The following FAM171A1 variants were observed in gnomAD, a reference collection of about 807,000 sequenced individuals.
FAM171A1 encodes the protein family with sequence similarity 171 member A1.
Under a neutral mutation model 74.9 loss-of-function variants are expected in FAM171A1, and 23 were observed. That is an observed-to-expected ratio of 0.31 (90% CI 0.22 to 0.44). FAM171A1 has a LOEUF of 0.44. FAM171A1 is among the 20% of genes least tolerant of loss of function. FAM171A1 has a pLI of 1.00. For synonymous variants in FAM171A1, 527 were observed against 505.7 expected (o/e 1.04, Z -0.57); for missense variants, 1,162 against 1,159.2 (o/e 1.00, Z -0.03).
At chr10:15,229,244 C>G (rs1485942721) in intron 5 of FAM171A1, among the ~76,000 whole-genome samples, 1 of 152,162 alleles carries the variant, frequency 6.6e-6, no homozygotes, top group Non-Finnish European at 1.5e-5. Context: ...GATTGGGGAA[C>G]CTGCTGTTGT....
intron 3 of FAM171A1, among the ~76,000 whole-genome samples, chr10:15,260,618 G>C (rs565423100): frequency 1.3e-5 from 2 of 152,146 alleles, no homozygotes; most frequent in East Asian, 3.8e-4. Flanking sequence ...ACTATGTTCT[G>C]TATACAGTTG....
At chr10:15,276,167 T>G (rs1332298725) in intron 2 of FAM171A1, among the ~76,000 whole-genome samples, 1 of 152,142 alleles carries the variant, frequency 6.6e-6, no homozygotes, top group Non-Finnish European at 1.5e-5. Context: ...CTTTTTTCAT[T>G]TGTTAGAAGT....
rs573536187 is a variant in FAM171A1 at position 15,337,947 on chromosome 10, T to C, written c.97+33009A>G. Among the ~76,000 whole-genome samples, 5 of 151,806 alleles carry C rather than the reference T, an allele frequency of 3.3e-5. No individual in the cohort carries two copies. In the East Asian group the frequency reaches 9.7e-4, roughly 29 times the overall value. On this transcript the variant is annotated intron_variant, in intron 1 of 7. Transcript: ENST00000378116. ...GCCTGGGTGACAGAGCGAGACTCCA[T>C]CTTAAAAAAAACAAAAAAAACCCTT...
intron 5 of FAM171A1, among the ~76,000 whole-genome samples, chr10:15,244,469 T>G (rs1834405072): frequency 6.6e-6 from 1 of 152,194 alleles, no homozygotes; most frequent in African/African-American, 2.4e-5. Flanking sequence ...TAGTGAGCTA[T>G]GATCACACCA....
At chr10:15,259,601 AG>A (rs1287317565) in intron 3 of FAM171A1, among the ~76,000 whole-genome samples, 5 of 152,188 alleles carry the variant, frequency 3.3e-5, no homozygotes, top group African/African-American at 1.2e-4. Context: ...CCTGTGAAGA[AG>A]GAACCCTTTC....
At chr10:15,270,356 G>C (rs1301407810) in intron 3 of FAM171A1, among the ~76,000 whole-genome samples, 2 of 152,216 alleles carry the variant, frequency 1.3e-5, no homozygotes, top group African/African-American at 4.8e-5. Flanking sequence ...GCTGAGGCTT[G>C]AGTAGCCAAA....
chr10:15,367,192 C>T (rs1836074097), intron 1 of FAM171A1, among the ~76,000 whole-genome samples: 1 of 141,906 alleles, frequency 7.0e-6, no homozygotes, highest in South Asian at 2.2e-4. Context: ...GAGCGAGACT[C>T]CATCTCAAAA....
chr10:15,315,315 C>T (rs1246730245), intron 1 of FAM171A1, among the ~76,000 whole-genome samples: 1 of 152,190 alleles, frequency 6.6e-6, no homozygotes, highest in African/African-American at 2.4e-5. Context: ...CGGTTTCTCC[C>T]ATCTGCAAAA....
intron 4 of FAM171A1, among the ~76,000 whole-genome samples, chr10:15,253,297 C>T (rs1289612741): frequency 6.6e-6 from 1 of 152,204 alleles, no homozygotes; most frequent in Non-Finnish European, 1.5e-5. Context: ...AGCCACCGCA[C>T]CCAGCCTTAA....
At position 15,308,722 on chromosome 10, in the gene FAM171A1, T is replaced by C. The variant is rs573997097; in HGVS notation, c.98-24617A>G. Among the ~76,000 whole-genome samples the C allele has an allele frequency of 5.9e-5, 9 of 152,328 alleles. No homozygotes were observed. In the South Asian group the frequency reaches 1.9e-3, roughly 32 times the overall value. ...CTCCAAGCATTAGTGGGTATTTTGT[T>C]TGTTTTTACAGCACTGACCATTTTA... On this transcript the variant is annotated intron_variant, in intron 1 of 7. Transcript: ENST00000378116.
chr10:15,280,707 AG>A (rs1223168369), intron 2 of FAM171A1, among the ~76,000 whole-genome samples: 3 of 152,254 alleles, frequency 2.0e-5, no homozygotes, highest in Non-Finnish European at 4.4e-5. Flanking sequence ...CGTGTGGGAA[AG>A]AAGGCATTTT....
intron 2 of FAM171A1, among the ~76,000 whole-genome samples, chr10:15,278,677 G>A (rs1387447524): frequency 6.6e-6 from 1 of 152,188 alleles, no homozygotes; most frequent in Non-Finnish European, 1.5e-5. Context: ...CAAGATTCCA[G>A]TTCTATGGGA....
intron 5 of FAM171A1, among the ~76,000 whole-genome samples, chr10:15,221,638 T>G (rs1834040686): frequency 6.6e-6 from 1 of 152,246 alleles, no homozygotes; most frequent in African/African-American, 2.4e-5. Context: ...TCAAGGTCCC[T>G]GCTGTATCTT....
intron 1 of FAM171A1, among the ~76,000 whole-genome samples, chr10:15,341,609 C>T (rs1270305536): frequency 6.6e-6 from 1 of 152,172 alleles, no homozygotes; most frequent in African/African-American, 2.4e-5. Context: ...ATTCAATCTG[C>T]CTTCAAAGCA....
intron 5 of FAM171A1, among the ~76,000 whole-genome samples, chr10:15,237,133 G>C (rs759684830): frequency 3.9e-5 from 6 of 152,136 alleles, no homozygotes; most frequent in Admixed American, 2.6e-4. Context: ...ACACAAATTT[G>C]CCACAGATAA....
At chr10:15,313,287 A>C (rs780865767) in intron 1 of FAM171A1, among the ~76,000 whole-genome samples, 14 of 152,188 alleles carry the variant, frequency 9.2e-5, no homozygotes, top group Non-Finnish European at 1.9e-4. Flanking sequence ...TGGTGGCTGA[A>C]ATGCTTTCAG....
intron 6 of FAM171A1, among the ~76,000 whole-genome samples, chr10:15,217,823 G>C (rs1478520181): frequency 6.6e-6 from 1 of 151,746 alleles, no homozygotes; most frequent in Non-Finnish European, 1.5e-5. Context: ...AGTAGAGATG[G>C]GGTTTCACCA....
chr10:15,257,409 A>C (rs927466896), intron 3 of FAM171A1, among the ~76,000 whole-genome samples: 3 of 152,296 alleles, frequency 2.0e-5, no homozygotes, highest in South Asian at 4.1e-4. Flanking sequence ...CCAGAGAACC[A>C]GAAACCCAGG....
At chr10:15,341,788 G>C (rs1490668881) in intron 1 of FAM171A1, among the ~76,000 whole-genome samples, 1 of 152,104 alleles carries the variant, frequency 6.6e-6, no homozygotes, top group East Asian at 1.9e-4. Flanking sequence ...GACAGAAAAG[G>C]GACCCTTCTG....
Sources: gnomAD v4.1 joint callset for allele counts (sites outside exome capture counted in the v4.1 genomes callset) on GRCh38, gnomAD v4.1.1 for gene constraint, MANE v1.5 for transcripts, NCBI Gene and HGNC (gene_info 2026-07-23, HGNC 2026-07-21) for gene names.